Variants in TTC29 observed in about 807,000 individuals in gnomAD.
TTC29 encodes the protein tetratricopeptide repeat domain 29.
TTC29 carries 49 observed loss-of-function variants against 58.1 expected under a neutral mutation model. That is an observed-to-expected ratio of 0.84 (90% CI 0.67 to 1.07). The LOEUF (loss-of-function observed/expected upper bound fraction) is 1.07, where lower values mean the gene tolerates loss of function less well. Among genes scored for constraint, TTC29 ranks in the 50% least tolerant of loss-of-function variants. The pLI is 0.00. For synonymous variants in TTC29, 209 were observed against 196.8 expected, an observed-to-expected ratio of 1.06 and a Z score of -0.52; for missense variants, 582 against 555.6, an observed-to-expected ratio of 1.05 and a Z score of -0.48.
At chr4:146,773,525 A>G (rs1297286841) in intron 11 of TTC29, among the ~76,000 whole-genome samples, 2 of 152,178 alleles carry the variant, frequency 1.3e-5, no homozygotes, top group Non-Finnish European at 2.9e-5. Flanking sequence ...ACATATATTC[A>G]TCTGCATGTG....
At chr4:146,817,598 G>GAATC (rs900062217) in intron 10 of TTC29, among the ~76,000 whole-genome samples, 1 of 152,064 alleles carries the variant, frequency 6.6e-6, no homozygotes. Context: ...AGTTCATATG[G>GAATC]AATCAAAACA....
Position 146,835,361 on chromosome 4 carries a change from G to A in TTC29, c.886-1464C>T, listed in dbSNP as rs547096659. The stretch of plus-strand genomic sequence containing the variant: ...TTGACGTAGACCTTTCTGAGTTAAA[G>A]GGCAGTACCTCTGAATTTTGTGAAT... On this transcript the variant is annotated intron_variant, in intron 8 of 12. Coordinates refer to ENST00000325106, the MANE Select transcript of TTC29 (RefSeq NM_031956.4). 2.0e-5 allele frequency among the ~76,000 whole-genome samples: 3 copies of A among 152,178 alleles called. No individual in the cohort carries two copies. In the South Asian group the frequency reaches 6.2e-4, roughly 32 times the overall value.
At chr4:146,792,313 G>T (rs1749517379) in intron 11 of TTC29, among the ~76,000 whole-genome samples, 1 of 152,144 alleles carries the variant, frequency 6.6e-6, no homozygotes, top group Admixed American at 6.5e-5. Flanking sequence ...GAAAATCAGG[G>T]TCCTTAAGAA....
rs540367237 is a variant in TTC29 at position 146,756,188 on chromosome 4, G to C, written c.1330+47269C>G. Among the ~76,000 whole-genome samples the C allele has an allele frequency of 7.9e-5, 12 of 151,396 alleles. No individual in the cohort carries two copies. The South Asian group carries it at 2.3e-3, about 29-fold the overall frequency. On this transcript the variant is annotated intron_variant, in intron 11 of 12. Transcript: ENST00000325106. Reference sequence around the variant, plus strand: ...ACTTGGGAGGCTGAGGAGGAAAATGGTGTGAACTCGGGAGGCAGAGCTTGC... The same window carrying C: ...ACTTGGGAGGCTGAGGAGGAAAATGCTGTGAACTCGGGAGGCAGAGCTTGC...
intron 11 of TTC29, among the ~76,000 whole-genome samples, chr4:146,757,511 G>C (rs1028902551): frequency 6.6e-6 from 1 of 152,158 alleles, no homozygotes; most frequent in Admixed American, 6.5e-5. Flanking sequence ...TAGGCACACT[G>C]TCATCAGGTT....
At chr4:146,823,805 GA>G (rs1391548692) in intron 9 of TTC29, among the ~76,000 whole-genome samples, 1 of 152,106 alleles carries the variant, frequency 6.6e-6, no homozygotes, top group Non-Finnish European at 1.5e-5. Flanking sequence ...GCTCCTTGAA[GA>G]GGTCCTTCAC....
intron 11 of TTC29, among the ~76,000 whole-genome samples, chr4:146,710,916 C>CT (rs1485528150): frequency 2.0e-5 from 3 of 151,982 alleles, no homozygotes; most frequent in East Asian, 3.9e-4. Context: ...CATCGCATCC[C>CT]TTTTTTGAAA....
intron 4 of TTC29, among the ~76,000 whole-genome samples, chr4:146,927,033 A>G (rs539852007): frequency 6.7e-6 from 1 of 148,194 alleles, no homozygotes; most frequent in African/African-American, 2.5e-5. Context: ...GGAGGTGGAG[A>G]TTGCGCCACT....
At chr4:146,722,470 C>G (rs1743442692) in intron 11 of TTC29, among the ~76,000 whole-genome samples, 1 of 152,098 alleles carries the variant, frequency 6.6e-6, no homozygotes, top group African/African-American at 2.4e-5. Context: ...GGTACAAAAA[C>G]AGACACATAG....
At position 146,808,308 on chromosome 4, in the gene TTC29, C is replaced by A. The variant is rs138776847; in HGVS notation, c.1102-4623G>T. On this transcript the variant is annotated intron_variant, in intron 10 of 12. Transcript: ENST00000325106. ...ATACTTAATGGGCACAAGCTGGAAG[C>A]ATTCCCTTTGAAAACCGGCACAAGA... Among the ~76,000 whole-genome samples the A allele has an allele frequency of 3.8e-3, 573 of 152,304 alleles. 7 individuals are homozygous for A. The highest frequency in any genetic ancestry group is 0.013 in the African/African-American group (529 of 41,554).
intron 11 of TTC29, among the ~76,000 whole-genome samples, chr4:146,763,386 T>C (rs1199439306): frequency 6.6e-6 from 1 of 152,084 alleles, no homozygotes; most frequent in African/African-American, 2.4e-5. Flanking sequence ...AGGAATTTTG[T>C]TGATGATAAT....
intron 4 of TTC29, among the ~76,000 whole-genome samples, chr4:146,910,863 G>T (rs535735514): frequency 6.6e-6 from 1 of 152,188 alleles, no homozygotes; most frequent in Non-Finnish European, 1.5e-5. Context: ...AATAGTGCTT[G>T]TTACTTATTC....
At chr4:146,754,403 C>G (rs188071498) in intron 11 of TTC29, among the ~76,000 whole-genome samples, 104 of 152,132 alleles carry the variant, frequency 6.8e-4, no homozygotes, top group African/African-American at 2.2e-3. Context: ...ACTTCTTAAG[C>G]TCTTCTGAAC....
intron 11 of TTC29, among the ~76,000 whole-genome samples, chr4:146,751,645 C>CTTG (rs1746005912): frequency 1.3e-5 from 2 of 152,052 alleles, no homozygotes; most frequent in South Asian, 2.1e-4. Flanking sequence ...ACGCCAAAAA[C>CTTG]AGACAAATGA....
intron 11 of TTC29, among the ~76,000 whole-genome samples, chr4:146,779,763 C>T (rs1748447043): frequency 6.6e-6 from 1 of 152,084 alleles, no homozygotes; most frequent in Non-Finnish European, 1.5e-5. Context: ...ATTTTACTTC[C>T]TTTACATTGG....
chr4:146,932,560 C>T (rs775438765), intron 4 of TTC29, among the ~76,000 whole-genome samples: 8 of 151,970 alleles, frequency 5.3e-5, no homozygotes, highest in Non-Finnish European at 8.8e-5. Flanking sequence ...TGTTTGAGTG[C>T]CAGGGCATTG....
intron 10 of TTC29, among the ~76,000 whole-genome samples, chr4:146,809,282 C>T (rs1367741578): frequency 2.7e-5 from 4 of 149,984 alleles, no homozygotes; most frequent in African/African-American, 4.9e-5. Context: ...ACCATAAAAA[C>T]CCCAGAAGAA....
chr4:146,862,908 G>A (rs761689012), intron 8 of TTC29, among the ~76,000 whole-genome samples: 2 of 151,988 alleles, frequency 1.3e-5, no homozygotes, highest in African/African-American at 4.8e-5. Context: ...AGATCACAAG[G>A]TCAGGAGATG....
intron 11 of TTC29, among the ~76,000 whole-genome samples, chr4:146,716,844 A>G (rs886244505): frequency 2.4e-4 from 36 of 152,322 alleles, no homozygotes; most frequent in African/African-American, 8.7e-4. Context: ...TTTCATAAGA[A>G]TGAACTGGTC....
Sources: gnomAD v4.1 joint callset for allele counts (sites outside exome capture counted in the v4.1 genomes callset) on GRCh38, gnomAD v4.1.1 for gene constraint, MANE v1.5 for transcripts, NCBI Gene and HGNC (gene_info 2026-07-23, HGNC 2026-07-21) for gene names.